UBE2D2: variants seen among roughly 807,000 people sequenced by gnomAD.
UBE2D2 encodes the protein ubiquitin conjugating enzyme E2 D2.
Under a neutral mutation model 24.2 loss-of-function variants are expected in UBE2D2, and 2 were observed. The ratio of observed to expected loss-of-function variants is 0.08; its 90% CI spans 0.03 to 0.26. UBE2D2 has a LOEUF of 0.26. Among genes scored for constraint, UBE2D2 ranks in the 10% least tolerant of loss-of-function variants. The probability of loss-of-function intolerance (pLI) is 1.00; values close to 1 mark genes in which losing one functional copy is unlikely to be tolerated. For synonymous variants in UBE2D2, 58 were observed against 56.5 expected (o/e 1.03, Z -0.12); for missense variants, 44 against 177.6 (o/e 0.25, Z 4.28).
intron 1 of UBE2D2, among the ~76,000 whole-genome samples, chr5:139,592,596 C>CTTTTTTT (rs34558950): frequency 9.5e-6 from 1 of 104,904 alleles, no homozygotes; most frequent in Non-Finnish European, 1.9e-5. Context: ...GTTCAGTAAT[C>CTTTTTTT]TTTTTTTTTT....
At chr5:139,571,921 T>A (rs950672383) in intron 1 of UBE2D2, among the ~76,000 whole-genome samples, 2 of 151,626 alleles carry the variant, frequency 1.3e-5, no homozygotes, top group East Asian at 3.8e-4. Context: ...ATCGAAGGTT[T>A]TCCCCTATAA....
intron 1 of UBE2D2, among the ~76,000 whole-genome samples, chr5:139,569,663 T>G (rs534279993): frequency 9.6e-4 from 146 of 152,236 alleles, no homozygotes; most frequent in African/African-American, 3.3e-3. Context: ...AAGTGAGATT[T>G]TGGGTAATAG....
intron 1 of UBE2D2, among the ~76,000 whole-genome samples, chr5:139,533,210 A>G (rs954017920): frequency 5.3e-5 from 8 of 152,070 alleles, no homozygotes; most frequent in Admixed American, 3.9e-4. Context: ...TGAGAGATGG[A>G]GTCTCACTCT....
chr5:139,598,387 C>G (rs1456755384), intron 1 of UBE2D2, among the ~76,000 whole-genome samples: 2 of 151,930 alleles, frequency 1.3e-5, no homozygotes, highest in Admixed American at 6.6e-5. Context: ...AAAAACCAAG[C>G]TGAGGGGAAA....
upstream of UBE2D2, among the ~76,000 whole-genome samples, chr5:139,559,089 G>C (rs76675031): frequency 4.5e-4 from 69 of 152,080 alleles, 1 homozygote; most frequent in East Asian, 0.012. Flanking sequence ...GCGTGTCCAG[G>C]AGCTTTTCTA....
chr5:139,536,603 C>T (rs1037104109), intron 1 of UBE2D2, among the ~76,000 whole-genome samples: 1 of 151,940 alleles, frequency 6.6e-6, no homozygotes, highest in African/African-American at 2.4e-5. Flanking sequence ...CAATTCACCC[C>T]CCTCAGCTTC....
At chr5:139,580,131 T>G (rs1753563863) in intron 1 of UBE2D2, among the ~76,000 whole-genome samples, 1 of 152,082 alleles carries the variant, frequency 6.6e-6, no homozygotes, top group African/African-American at 2.4e-5. Context: ...CTCACTCTTG[T>G]CACCCAGCAT....
intron 1 of UBE2D2, among the ~76,000 whole-genome samples, chr5:139,531,683 T>C (rs72790977): frequency 0.046 from 7,012 of 151,104 alleles, 175 homozygotes; most frequent in Middle Eastern, 0.067. Flanking sequence ...AATGCCTGGC[T>C]GGACACTGTG....
intron 2 of UBE2D2, among the ~76,000 whole-genome samples, chr5:139,608,431 AAAAG>A (rs376204599): frequency 1.7e-3 from 257 of 152,128 alleles, no homozygotes; most frequent in Middle Eastern, 0.01. Context: ...CTGTCTCAAA[AAAAG>A]AAAGAAAAAA....
intron 2 of UBE2D2, 72 bp from the exon 3 acceptor site, chr5:139,614,514 A>G: frequency 2.0e-6 from 3 of 1,532,662 alleles, no homozygotes; most frequent in African/African-American, 1.4e-5. Flanking sequence ...TAGAAGGGGA[A>G]TGATATGTTA....
At chr5:139,570,452 T>C (rs1259135285) in intron 1 of UBE2D2, among the ~76,000 whole-genome samples, 1 of 151,828 alleles carries the variant, frequency 6.6e-6, no homozygotes, top group Non-Finnish European at 1.5e-5. Context: ...GAGATTCTCC[T>C]GCCTCAGCCT....
chr5:139,565,088 T>G (rs1172911751), intron 1 of UBE2D2, among the ~76,000 whole-genome samples: 1 of 152,192 alleles, frequency 6.6e-6, no homozygotes, highest in Non-Finnish European at 1.5e-5. Flanking sequence ...TATCATTCCC[T>G]GAAAAAATAA....
intron 1 of UBE2D2, among the ~76,000 whole-genome samples, chr5:139,548,136 C>A (rs1752856405): frequency 9.2e-6 from 1 of 108,446 alleles, no homozygotes; most frequent in African/African-American, 3.2e-5. Context: ...TGCATTCCAG[C>A]CTGGGCGACA....
In UBE2D2 at chr5:139,627,545, C is replaced by T. The variant is rs550219462; in HGVS notation, c.*744C>T. ...CTCTTATTTTTCTTATGTTTTTAAC[C>T]GCTTAGGTCTATTTGGATGTAAGGG... On this transcript the variant is annotated 3_prime_UTR_variant, in exon 7 of 7. Transcript: ENST00000398733. The T allele has an allele frequency of 2.6e-5, 4 of 152,574 alleles. No individual in the cohort carries two copies. The highest frequency in any genetic ancestry group is 1.9e-4 in the East Asian group (1 of 5,194). The allele number at this position is 152,574 out of a possible 1,614,324, so 9.5% of individuals were successfully genotyped here.
At chr5:139,560,658 A>G (rs186401958), upstream of UBE2D2, among the ~76,000 whole-genome samples, 51 of 152,274 alleles carry the variant, frequency 3.3e-4, no homozygotes, top group African/African-American at 1.2e-3. Flanking sequence ...TGGGGCACAC[A>G]CTGTGATTTT....
At chr5:139,624,539 G>A (rs1288170327) in intron 6 of UBE2D2, among the ~76,000 whole-genome samples, 2 of 152,242 alleles carry the variant, frequency 1.3e-5, no homozygotes, top group African/African-American at 4.8e-5. Context: ...TGTAACCCCA[G>A]CACTTTGGGA....
intron 5 of UBE2D2, among the ~76,000 whole-genome samples, chr5:139,617,160 G>T (rs1027313973): frequency 7.3e-5 from 11 of 151,506 alleles, no homozygotes; most frequent in African/African-American, 2.7e-4. Context: ...TCTAGCCTGG[G>T]TGACAGAGGG....
chr5:139,613,298 G>C (rs999507581), intron 2 of UBE2D2, among the ~76,000 whole-genome samples: 3 of 152,140 alleles, frequency 2.0e-5, no homozygotes, highest in Admixed American at 2.0e-4. Context: ...CTTCTACCTT[G>C]TGACAAGAGT....
At chr5:139,569,207 GA>G (rs912549057) in intron 1 of UBE2D2, among the ~76,000 whole-genome samples, 5 of 152,056 alleles carry the variant, frequency 3.3e-5, no homozygotes, top group Non-Finnish European at 7.4e-5. Flanking sequence ...TAAGTTCTGG[GA>G]ATTTTTTTTT....
Sources: gnomAD v4.1 joint callset for allele counts (sites outside exome capture counted in the v4.1 genomes callset) on GRCh38, gnomAD v4.1.1 for gene constraint, MANE v1.5 for transcripts, NCBI Gene and HGNC (gene_info 2026-07-23, HGNC 2026-07-21) for gene names.